Variants in SLX4IP observed in about 807,000 individuals in gnomAD.
SLX4IP encodes the protein protein SLX4IP.
SLX4IP carries 34 observed loss-of-function variants against 32.9 expected under a neutral mutation model. The observed-to-expected ratio is 1.03, with a 90% CI of 0.79 to 1.38. The LOEUF (loss-of-function observed/expected upper bound fraction) is 1.38, where lower values mean the gene tolerates loss of function less well. Among genes scored for constraint, SLX4IP ranks in the 40% most tolerant of loss-of-function variants. The pLI is 0.00. For synonymous variants in SLX4IP, 172 were observed against 171.7 expected (o/e 1.00, Z -0.01); for missense variants, 444 against 479.0 (o/e 0.93, Z 0.68).
chr20:10,510,899 C>A (rs942854351), intron 2 of SLX4IP, among the ~76,000 whole-genome samples: 1 of 152,172 alleles, frequency 6.6e-6, no homozygotes, highest in African/African-American at 2.4e-5. Context: ...CCATCGCACC[C>A]GGCGGTGCCT....
intron 3 of SLX4IP, among the ~76,000 whole-genome samples, chr20:10,558,849 C>T (rs112160850): frequency 7.2e-5 from 11 of 152,144 alleles, no homozygotes; most frequent in African/African-American, 1.7e-4. Flanking sequence ...AGCTTCATGA[C>T]GTGTGGTGTG....
intron 2 of SLX4IP, among the ~76,000 whole-genome samples, chr20:10,510,579 GTTATTA>G (rs949994949): frequency 5.4e-5 from 8 of 149,488 alleles, no homozygotes; most frequent in Admixed American, 3.3e-4. Context: ...AATTATTGTT[GTTATTA>G]TTATTATTAT....
chr20:10,518,794 T>A (rs2065881075), intron 2 of SLX4IP, among the ~76,000 whole-genome samples: 1 of 152,018 alleles, frequency 6.6e-6, no homozygotes, highest in South Asian at 2.1e-4. Context: ...AGTCTCGAAC[T>A]CCTGAGTTCA....
At chr20:10,600,215 T>C (rs1251064840) in intron 5 of SLX4IP, among the ~76,000 whole-genome samples, 1 of 152,130 alleles carries the variant, frequency 6.6e-6, no homozygotes, top group Non-Finnish European at 1.5e-5. Context: ...AAAATCCACC[T>C]CTAGTCACCT....
chr20:10,487,075 C>T (rs1227193548), intron 2 of SLX4IP, among the ~76,000 whole-genome samples: 1 of 152,216 alleles, frequency 6.6e-6, no homozygotes, highest in Non-Finnish European at 1.5e-5. Context: ...GCTTTTCTAA[C>T]TCTGAATGCC....
chr20:10,518,760 G>A (rs2122445317), intron 2 of SLX4IP, among the ~76,000 whole-genome samples: 1 of 151,836 alleles, frequency 6.6e-6, no homozygotes, highest in East Asian at 1.9e-4. Context: ...TGTAGAGACG[G>A]GGTTTGGCTA....
intron 4 of SLX4IP, among the ~76,000 whole-genome samples, chr20:10,594,839 A>T (rs2066751014): frequency 6.6e-6 from 1 of 152,200 alleles, no homozygotes; most frequent in Non-Finnish European, 1.5e-5. Context: ...ATATGAAATA[A>T]AATAGTAGGA....
At chr20:10,607,492 A>C (rs1340921341) in intron 6 of SLX4IP, among the ~76,000 whole-genome samples, 1 of 152,232 alleles carries the variant, frequency 6.6e-6, no homozygotes, top group Non-Finnish European at 1.5e-5. Context: ...AAGAATTCTC[A>C]TGGTGCTTGC....
intron 2 of SLX4IP, among the ~76,000 whole-genome samples, chr20:10,550,556 G>A (rs1391163998): frequency 6.6e-6 from 1 of 152,002 alleles, no homozygotes; most frequent in Non-Finnish European, 1.5e-5. Flanking sequence ...CTTTGAACCT[G>A]TCTGCCTGGC....
At chr20:10,530,897 T>TC (rs2065983151) in intron 2 of SLX4IP, among the ~76,000 whole-genome samples, 1 of 152,356 alleles carries the variant, frequency 6.6e-6, no homozygotes, top group East Asian at 1.9e-4. Flanking sequence ...TAACACACTT[T>TC]ATCATATTAT....
chr20:10,476,339 A>G (rs1256519243), intron 2 of SLX4IP, among the ~76,000 whole-genome samples: 1 of 152,166 alleles, frequency 6.6e-6, no homozygotes, highest in Non-Finnish European at 1.5e-5. Flanking sequence ...GAAGCACTGA[A>G]TGCATTGCAA....
chr20:10,452,954 A>G (rs865799432), intron 1 of SLX4IP, among the ~76,000 whole-genome samples: 1 of 151,988 alleles, frequency 6.6e-6, no homozygotes, highest in East Asian at 1.9e-4. Flanking sequence ...TACTATAGCT[A>G]TTGTGGTTGT....
At chr20:10,507,250 C>G (rs913834908) in intron 2 of SLX4IP, among the ~76,000 whole-genome samples, 1 of 152,076 alleles carries the variant, frequency 6.6e-6, no homozygotes, top group Non-Finnish European at 1.5e-5. Flanking sequence ...AACTAAAACC[C>G]GGAAGATGTG....
chr20:10,612,759 C>T (rs1198682511), intron 6 of SLX4IP: 8 of 152,302 alleles, frequency 5.3e-5, no homozygotes, highest in African/African-American at 1.9e-4. Flanking sequence ...AGGCTGGTCT[C>T]GAACTCCTGA....
chr20:10,608,673 C>CAAAA (rs560866110), intron 6 of SLX4IP, among the ~76,000 whole-genome samples: 1 of 60,450 alleles, frequency 1.7e-5, no homozygotes, highest in Non-Finnish European at 3.3e-5. Context: ...TACTCTGTCT[C>CAAAA]AAAAAAAAAA....
At chr20:10,552,837 T>C (rs2066231007) in intron 2 of SLX4IP, among the ~76,000 whole-genome samples, 1 of 145,002 alleles carries the variant, frequency 6.9e-6, no homozygotes, top group Admixed American at 6.9e-5. Flanking sequence ...CCCCCTTTTT[T>C]TTTTTAAAGA....
At chr20:10,605,652 A>G (rs2066897812) in intron 6 of SLX4IP, among the ~76,000 whole-genome samples, 1 of 152,208 alleles carries the variant, frequency 6.6e-6, no homozygotes, top group East Asian at 1.9e-4. Flanking sequence ...GTGGACATAT[A>G]CATTAAGATA....
intron 2 of SLX4IP, among the ~76,000 whole-genome samples, chr20:10,537,409 C>T (rs1001427197): frequency 3.3e-5 from 5 of 152,148 alleles, no homozygotes; most frequent in African/African-American, 7.2e-5. Context: ...TAATGGAACC[C>T]GTAATGAATA....
intron 1 of SLX4IP, among the ~76,000 whole-genome samples, chr20:10,444,303 T>G (rs2065182951): frequency 6.8e-6 from 1 of 147,390 alleles, no homozygotes; most frequent in South Asian, 2.2e-4. Context: ...CAATAGGAAT[T>G]TATTGCTCAC....
Sources: gnomAD v4.1 joint callset for allele counts (sites outside exome capture counted in the v4.1 genomes callset) on GRCh38, gnomAD v4.1.1 for gene constraint, MANE v1.5 for transcripts, NCBI Gene and HGNC (gene_info 2026-07-23, HGNC 2026-07-21) for gene names.